Variants in DNASE1 observed in about 807,000 individuals in gnomAD.
DNASE1 encodes deoxyribonuclease 1.
A neutral mutation model predicts 33.9 loss-of-function variants in DNASE1; 40 were observed. That is an observed-to-expected ratio of 1.18 (90% confidence interval 0.92 to 1.54). The LOEUF (loss-of-function observed/expected upper bound fraction) is 1.54, where lower values mean the gene tolerates loss of function less well. DNASE1 is among the 40% of genes most tolerant of loss of function. The pLI is 0.00. For missense variants in DNASE1, 518 were observed against 372.6 expected, an observed-to-expected ratio of 1.39 and a Z score of -3.21; for synonymous variants, 216 against 160.0, an observed-to-expected ratio of 1.35 and a Z score of -2.64.
upstream of DNASE1, chr16:3,652,931 C>G (rs2042384029): frequency 6.6e-6 from 1 of 152,408 alleles, no homozygotes; most frequent in South Asian, 2.1e-4. Context: ...AGGGGGACCA[C>G]AGATGCTACG....
upstream of DNASE1, chr16:3,640,648 G>T (rs2042003885): frequency 5.0e-6 from 2 of 397,996 alleles, no homozygotes; most frequent in Non-Finnish European, 8.8e-6. Flanking sequence ...GTTTGCTGAA[G>T]TTTCAGAATA....
chr16:3,657,571 C>T (rs2042762698), intron 7 of DNASE1, 149 bp from the exon 8 acceptor site: 3 of 1,240,728 alleles, frequency 2.4e-6, no homozygotes, highest in Admixed American at 4.0e-5. Context: ...GTGGTTTCCA[C>T]ATTGAGGGGC....
intron 1 of DNASE1, among the ~76,000 whole-genome samples, chr16:3,623,161 C>T (rs1270576281): frequency 1.3e-5 from 2 of 152,090 alleles, no homozygotes; most frequent in Admixed American, 1.3e-4. Flanking sequence ...ATCAGTGGGA[C>T]AGAATAGAGA....
At chr16:3,613,815 G>A (rs947790384) in intron 1 of DNASE1, among the ~76,000 whole-genome samples, 45 of 151,944 alleles carry the variant, frequency 3.0e-4, no homozygotes, top group African/African-American at 1.1e-3. Flanking sequence ...GCGCAGTGGT[G>A]TGTGCAACCT....
At chr16:3,638,158 A>G (rs1020500374), upstream of DNASE1, among the ~76,000 whole-genome samples, 10 of 151,522 alleles carry the variant, frequency 6.6e-5, no homozygotes, top group Non-Finnish European at 1.5e-5. Context: ...AGTACTTTAA[A>G]GATGTTACTT....
At chr16:3,628,601 A>G (rs2041595145) in intron 1 of DNASE1, among the ~76,000 whole-genome samples, 1 of 151,202 alleles carries the variant, frequency 6.6e-6, no homozygotes, top group South Asian at 2.1e-4. Flanking sequence ...TGTGTCGCCC[A>G]GGCTGGAGTG....
intron 1 of DNASE1, among the ~76,000 whole-genome samples, chr16:3,631,761 G>T (rs1426829865): frequency 6.6e-6 from 1 of 151,980 alleles, no homozygotes; most frequent in African/African-American, 2.4e-5. Context: ...GACCTCAGGT[G>T]ATCCACCCAC....
intron 1 of DNASE1, among the ~76,000 whole-genome samples, chr16:3,637,536 C>T (rs1027522473): frequency 1.3e-5 from 2 of 152,176 alleles, no homozygotes; most frequent in Non-Finnish European, 2.9e-5. Flanking sequence ...CCTTTCTTTC[C>T]TGCCTGTGGA....
At chr16:3,656,051 A>AG in intron 3 of DNASE1, 51 bp from the exon 4 acceptor site, 1 of 1,611,114 alleles carries the variant, frequency 6.2e-7, no homozygotes, top group Non-Finnish European at 8.5e-7. Flanking sequence ...CGGCAGCCAG[A>AG]GGGGTCCCCT....
chr16:3,652,070 C>G (rs2042353456), upstream of DNASE1: 1 of 152,340 alleles, frequency 6.6e-6, no homozygotes. Flanking sequence ...TGAGGGCAGC[C>G]ACACAGCAGG....
At chr16:3,643,681 C>G (rs1216762996) in intron 1 of DNASE1, among the ~76,000 whole-genome samples, 1 of 152,232 alleles carries the variant, frequency 6.6e-6, no homozygotes, top group Admixed American at 6.5e-5. Flanking sequence ...GTGACAGACC[C>G]ACAGGAGACT....
At chr16:3,620,208 G>A (rs535030030) in intron 1 of DNASE1, among the ~76,000 whole-genome samples, 102 of 152,180 alleles carry the variant, frequency 6.7e-4, no homozygotes, top group African/African-American at 2.4e-3. Context: ...GAGCCACCTC[G>A]CCAGGCCTGT....
intron 1 of DNASE1, among the ~76,000 whole-genome samples, chr16:3,634,168 A>G (rs1426404931): frequency 6.6e-6 from 1 of 151,986 alleles, no homozygotes; most frequent in Non-Finnish European, 1.5e-5. Context: ...TATTGACCCA[A>G]TCATTGAATA....
intron 1 of DNASE1, among the ~76,000 whole-genome samples, chr16:3,629,379 G>A (rs774916931): frequency 3.3e-5 from 5 of 152,038 alleles, no homozygotes; most frequent in Non-Finnish European, 7.4e-5. Context: ...CATTAATGTG[G>A]TATGTTACAT....
chr16:3,664,641 C>T lies in DNASE1; in HGVS notation c.*6688C>T, dbSNP rs1000685395. ...CAGGCCTTGCTCTGCCCATCAGGCCCCTTTTGGGAGCTCTGGGGGCTTAGG... is the reference window on the plus strand; with the variant it reads ...CAGGCCTTGCTCTGCCCATCAGGCCTCTTTTGGGAGCTCTGGGGGCTTAGG... On this transcript the variant is annotated 3_prime_UTR_variant, in exon 10 of 10. Transcript: ENST00000407479. The T allele has an allele frequency of 1.0e-4, 66 of 636,866 alleles. No homozygotes were observed. In the African/African-American group the frequency reaches 1.1e-3, roughly 11 times the overall value. 39.5% of individuals were successfully genotyped at this position (636,866 alleles called of 1,614,324 possible).
At chr16:3,648,862 C>T (rs1446138935) in intron 1 of DNASE1, among the ~76,000 whole-genome samples, 3 of 152,176 alleles carry the variant, frequency 2.0e-5, no homozygotes, top group Admixed American at 6.5e-5. Flanking sequence ...GGATATATCT[C>T]AAGTTTTATT....
At chr16:3,663,068 C>T, downstream of DNASE1, 1 of 891,838 alleles carries the variant, frequency 1.1e-6, no homozygotes, top group East Asian at 2.7e-5. Context: ...TCCTCTCCCA[C>T]CAGGATGGAG....
chr16:3,656,080 A>T (rs763452613), intron 3 of DNASE1, 22 bp from the exon 4 acceptor site: 7 of 1,613,804 alleles, frequency 4.3e-6, no homozygotes, highest in Non-Finnish European at 5.1e-6. Flanking sequence ...CGCCACTGGG[A>T]CCTTTTGTTT....
chr16:3,645,635 G>A (rs1437696803), intron 1 of DNASE1, among the ~76,000 whole-genome samples: 2 of 152,212 alleles, frequency 1.3e-5, no homozygotes, highest in South Asian at 2.1e-4. Context: ...CCCACACCTC[G>A]TGGAAGGCAG....
Sources: gnomAD v4.1 joint callset for allele counts (sites outside exome capture counted in the v4.1 genomes callset) on GRCh38, gnomAD v4.1.1 for gene constraint, MANE v1.5 for transcripts, NCBI Gene and HGNC (gene_info 2026-07-23, HGNC 2026-07-21) for gene names.